ATP7A: variants seen among roughly 807,000 people sequenced by gnomAD.
ATP7A encodes copper-transporting ATPase 1.
ATP7A carries 7 observed loss-of-function variants against 83.5 expected under a neutral mutation model. The ratio of observed to expected loss-of-function variants is 0.08; its 90% confidence interval spans 0.05 to 0.16. The LOEUF is 0.16. ATP7A is among the 10% of genes least tolerant of loss of function. The probability of loss-of-function intolerance (pLI) is 1.00; values close to 1 mark genes in which losing one functional copy is unlikely to be tolerated. For missense variants in ATP7A, 940 were observed against 1,120.8 expected, an observed-to-expected ratio of 0.84 and a Z score of 2.30; for synonymous variants, 354 against 395.2, an observed-to-expected ratio of 0.90 and a Z score of 1.24.
At chrX:77,959,152 T>A (rs1258426147) in intron 1 of ATP7A, among the ~76,000 whole-genome samples, 1 of 110,861 alleles carries the variant, frequency 9.0e-6, no homozygotes, top group Non-Finnish European at 1.9e-5. Flanking sequence ...CCTAAGTATC[T>A]TTTTTTTATG....
At chrX:77,957,501 GGTT>G (rs1299580945) in intron 1 of ATP7A, among the ~76,000 whole-genome samples, 2 of 108,099 alleles carry the variant, frequency 1.9e-5, no homozygotes, top group African/African-American at 6.7e-5. Context: ...CTTATTTTGT[GGTT>G]GTTAAGTTCT....
intron 1 of ATP7A, chrX:77,966,758 G>C: frequency 3.0e-6 from 1 of 330,319 alleles, no homozygotes; most frequent in South Asian, 2.6e-5. Context: ...TACTGAACTG[G>C]ATACCTTAAA....
chrX:77,984,627 A>G (rs1320374742), intron 2 of ATP7A, among the ~76,000 whole-genome samples: 1 of 111,388 alleles, frequency 9.0e-6, no homozygotes, highest in East Asian at 2.8e-4. Context: ...CAGCCTCCCA[A>G]AGTGCTGGGA....
intron 4 of ATP7A, among the ~76,000 whole-genome samples, chrX:77,997,357 G>A (rs782205975): frequency 8.0e-5 from 9 of 111,823 alleles, no homozygotes; most frequent in African/African-American, 2.6e-4. Context: ...GATTTAAGAG[G>A]CATTAATATA....
Position 77,932,919 on chromosome X carries a change from G to GGGGAGA in ATP7A, c.-22+22110_-22+22115dup, listed in dbSNP as rs375922738. 6.7e-3 allele frequency among the ~76,000 whole-genome samples: 734 copies of GGGGAGA among 109,929 alleles called. 8 individuals carry two copies. Among genetic ancestry groups the GGGGAGA allele is most frequent in the African/African-American group, 0.022 (655 of 29,942 alleles). ...GGAAAGAGAGGGAGAGGGGGACCGTGGGGAGAGGGAGAGGGAGAGGGAGAG... is the reference window on the plus strand; with the variant it reads ...GGAAAGAGAGGGAGAGGGGGACCGTGGGGAGAGGGAGAGGGAGAGGGAGAGGGAGAG... On this transcript the variant is annotated intron_variant, in intron 1 of 22. Transcript: ENST00000341514.
At chrX:77,980,621 G>T (rs1175972399) in intron 2 of ATP7A, among the ~76,000 whole-genome samples, 1 of 111,010 alleles carries the variant, frequency 9.0e-6, no homozygotes, top group Non-Finnish European at 1.9e-5. Flanking sequence ...AAAACCAGTT[G>T]TCCTATGTAT....
chrX:77,931,843 G>T (rs1201503022), intron 1 of ATP7A, among the ~76,000 whole-genome samples: 2 of 97,576 alleles, frequency 2.0e-5, no homozygotes, highest in Admixed American at 2.1e-4. Context: ...CCTCCCTCCC[G>T]GACGGGGCGG....
intron 1 of ATP7A, among the ~76,000 whole-genome samples, chrX:77,943,323 T>G (rs1557225849): frequency 8.9e-6 from 1 of 112,218 alleles, no homozygotes; most frequent in East Asian, 2.8e-4. Context: ...TTGGTATGTT[T>G]TCTGTCAGCC....
chrX:77,932,979 A>C lies in ATP7A; in HGVS notation c.-22+22144A>C, dbSNP rs782510025. Among the ~76,000 whole-genome samples the C allele has an allele frequency of 2.7e-5, 3 of 111,151 alleles. No individual in the cohort carries two copies. The South Asian group carries it at 1.1e-3, about 42-fold the overall frequency. ...AGGAACATTCTTAAGACTGTCTCCA[A>C]CTGCAGCATTGAACTCTTACTGTTC... On this transcript the variant is annotated intron_variant, in intron 1 of 22. Transcript: ENST00000341514.
chrX:77,987,453 T>TGTGTGTGC (rs1346465240), intron 2 of ATP7A, among the ~76,000 whole-genome samples: 10 of 101,063 alleles, frequency 9.9e-5, no homozygotes, highest in Non-Finnish European at 4.1e-5. Flanking sequence ...TTTGTGTGTG[T>TGTGTGTGC]GTGTGTGTGT....
intron 2 of ATP7A, among the ~76,000 whole-genome samples, chrX:77,974,429 C>A (rs1265909189): frequency 9.0e-6 from 1 of 111,334 alleles, no homozygotes; most frequent in African/African-American, 3.3e-5. Flanking sequence ...CAGGTGTGAG[C>A]CACTGCACCT....
intron 1 of ATP7A, among the ~76,000 whole-genome samples, chrX:77,925,445 T>C (rs782794782): frequency 9.0e-6 from 1 of 111,396 alleles, no homozygotes; most frequent in South Asian, 3.9e-4. Context: ...ACCTACCTGG[T>C]ACCTTTTTGG....
intron 5 of ATP7A, among the ~76,000 whole-genome samples, chrX:78,002,307 C>T (rs1187540420): frequency 9.6e-6 from 1 of 104,291 alleles, no homozygotes; most frequent in East Asian, 3.0e-4. Context: ...GTGTCGAACT[C>T]CTGGACTCAA....
chrX:77,957,982 C>T (rs2077454412), intron 1 of ATP7A, among the ~76,000 whole-genome samples: 1 of 110,808 alleles, frequency 9.0e-6, no homozygotes, highest in South Asian at 3.8e-4. Context: ...TTGTGGGAGG[C>T]GATTGGATCA....
intron 5 of ATP7A, among the ~76,000 whole-genome samples, chrX:78,000,641 G>A (rs1183213254): frequency 9.4e-6 from 1 of 106,473 alleles, no homozygotes; most frequent in Non-Finnish European, 1.9e-5. Flanking sequence ...ATATATAAAT[G>A]TATATTAATA....
At chrX:78,036,159 C>T (rs1249293992) in intron 17 of ATP7A, among the ~76,000 whole-genome samples, 1 of 111,299 alleles carries the variant, frequency 9.0e-6, no homozygotes, top group African/African-American at 3.3e-5. Flanking sequence ...GGTGGAAGAA[C>T]ACAAGAGAGT....
At position 77,956,731 on chromosome X, in the gene ATP7A, CTTT is replaced by C. The variant is rs1569549165; in HGVS notation, c.-21-14889_-21-14887del. Among the ~76,000 whole-genome samples, 5 of 63,730 alleles carry C rather than the reference CTTT, an allele frequency of 7.8e-5. No homozygotes were observed. In the East Asian group the frequency reaches 1.5e-3, roughly 19 times the overall value. The allele number at this position is 63,730 out of a possible 115,157, so 55.3% of individuals were successfully genotyped here. Reference sequence around the variant, plus strand: ...CTTTATCAATTACCCAGTCTCCTTTCTTTCTTTCTTTCTTTCTTTCTTTCTTTC... The same window carrying C: ...CTTTATCAATTACCCAGTCTCCTTTCCTTTCTTTCTTTCTTTCTTTCTTTC... On this transcript the variant is annotated intron_variant, in intron 1 of 22. Coordinates refer to ENST00000341514, the MANE Select transcript of ATP7A (RefSeq NM_000052.7).
intron 4 of ATP7A, among the ~76,000 whole-genome samples, chrX:77,992,880 C>T (rs1390663711): frequency 1.8e-5 from 2 of 111,802 alleles, no homozygotes; most frequent in African/African-American, 6.5e-5. Flanking sequence ...TCCCAGAATG[C>T]TGGGATTACA....
chrX:77,986,602 A>G (rs2077638070), intron 2 of ATP7A, among the ~76,000 whole-genome samples: 1 of 111,417 alleles, frequency 9.0e-6, no homozygotes, highest in Non-Finnish European at 1.9e-5. Context: ...CCATCTATCT[A>G]TCCACTGGCC....
Sources: gnomAD v4.1 joint callset for allele counts (sites outside exome capture counted in the v4.1 genomes callset) on GRCh38, gnomAD v4.1.1 for gene constraint, MANE v1.5 for transcripts, NCBI Gene and HGNC (gene_info 2026-07-23, HGNC 2026-07-21) for gene names.